Variants in TMEM132C observed in about 807,000 individuals in gnomAD.
The protein encoded by TMEM132C is protein phosphatase 1, regulatory subunit 152.
In TMEM132C, 29 loss-of-function variants were observed where a neutral mutation model predicts 61.4. That is an observed-to-expected ratio of 0.47 (90% CI 0.35 to 0.64). The LOEUF (loss-of-function observed/expected upper bound fraction) is 0.64, where lower values mean the gene tolerates loss of function less well. TMEM132C is among the 30% of genes least tolerant of loss of function. The pLI is 0.00. For synonymous variants in TMEM132C, 656 were observed against 633.1 expected (o/e 1.04, Z -0.54); for missense variants, 1,408 against 1,476.9 (o/e 0.95, Z 0.76).
At chr12:128,565,829 T>C (rs1874676441) in intron 3 of TMEM132C, among the ~76,000 whole-genome samples, 2 of 151,946 alleles carry the variant, frequency 1.3e-5, no homozygotes, top group Admixed American at 1.3e-4. Flanking sequence ...AGTTTGACTC[T>C]TAAGAACTGC....
intron 3 of TMEM132C, among the ~76,000 whole-genome samples, chr12:128,586,979 T>C (rs1279335368): frequency 6.6e-6 from 1 of 152,226 alleles, no homozygotes; most frequent in East Asian, 1.9e-4. Context: ...GTGACTGCTC[T>C]TCCGTTTTCA....
chr12:128,556,801 T>TAGAG (rs1874347384), intron 3 of TMEM132C, among the ~76,000 whole-genome samples: 1 of 152,066 alleles, frequency 6.6e-6, no homozygotes, highest in African/African-American at 2.4e-5. Context: ...GCCTTGTGAA[T>TAGAG]AGAGCATGGT....
At chr12:128,491,852 CT>C (rs113590302) in intron 2 of TMEM132C, among the ~76,000 whole-genome samples, 53,509 of 144,802 alleles carry the variant, frequency 0.37, 9,649 homozygotes, top group East Asian at 0.58. Context: ...TGTATCAGTT[CT>C]TTTTTTTTTT....
intron 2 of TMEM132C, among the ~76,000 whole-genome samples, chr12:128,445,807 C>G (rs1331055029): frequency 6.6e-6 from 1 of 152,162 alleles, no homozygotes; most frequent in Non-Finnish European, 1.5e-5. Context: ...AAAAGCCCCC[C>G]ACCCCTCACC....
chr12:128,699,073 A>T (rs1376968802), intron 8 of TMEM132C, among the ~76,000 whole-genome samples: 1 of 152,114 alleles, frequency 6.6e-6, no homozygotes, highest in Non-Finnish European at 1.5e-5. Context: ...CAGTTCAAGG[A>T]CTGCAAACTC....
intron 2 of TMEM132C, among the ~76,000 whole-genome samples, chr12:128,466,982 A>G: frequency 6.6e-6 from 1 of 152,240 alleles, no homozygotes; most frequent in South Asian, 2.1e-4. Context: ...TTGAGCCAGC[A>G]CTTGTGGAAG....
intron 2 of TMEM132C, among the ~76,000 whole-genome samples, chr12:128,538,216 G>A (rs985309961): frequency 1.3e-5 from 2 of 152,166 alleles, no homozygotes; most frequent in Admixed American, 6.5e-5. Context: ...TGCCTCCTGG[G>A]TTCAAGTGAT....
At chr12:128,477,129 A>G (rs1371737984) in intron 2 of TMEM132C, among the ~76,000 whole-genome samples, 1 of 152,116 alleles carries the variant, frequency 6.6e-6, no homozygotes, top group Non-Finnish European at 1.5e-5. Context: ...ATTTCTCTCT[A>G]TTGTGAAGGC....
At chr12:128,473,986 G>T (rs1871076533) in intron 2 of TMEM132C, among the ~76,000 whole-genome samples, 1 of 152,212 alleles carries the variant, frequency 6.6e-6, no homozygotes, top group Non-Finnish European at 1.5e-5. Flanking sequence ...TCTTGAAAAT[G>T]CCTGATGCTC....
chr12:128,321,168 T>TAATAAC (rs1555217333), intron 1 of TMEM132C, among the ~76,000 whole-genome samples: 71 of 149,146 alleles, frequency 4.8e-4, no homozygotes, highest in African/African-American at 1.5e-3. Context: ...ATAATAATAA[T>TAATAAC]AATAATAATA....
chr12:128,632,851 G>A (rs1341872838), intron 4 of TMEM132C, among the ~76,000 whole-genome samples: 1 of 152,218 alleles, frequency 6.6e-6, no homozygotes, highest in Non-Finnish European at 1.5e-5. Context: ...GCAGTCTTCA[G>A]AATGTGGTAT....
chr12:128,301,945 A>C (rs1211928704), intron 1 of TMEM132C, among the ~76,000 whole-genome samples: 11 of 152,322 alleles, frequency 7.2e-5, no homozygotes, highest in Admixed American at 2.6e-4. Context: ...AGAGGAAACC[A>C]CTTATAAAAC....
chr12:128,544,635 C>A (rs532945627), intron 3 of TMEM132C, among the ~76,000 whole-genome samples: 97 of 106,792 alleles, frequency 9.1e-4, no homozygotes, highest in Admixed American at 2.7e-3. Context: ...GAGGAAAGCA[C>A]AATTATAGCG....
At chr12:128,274,112 A>G (rs1357058007) in intron 1 of TMEM132C, among the ~76,000 whole-genome samples, 1 of 152,170 alleles carries the variant, frequency 6.6e-6, no homozygotes. Context: ...ACCCATCTGG[A>G]GTCTAAATCA....
chr12:128,694,126 G>A, intron 6 of TMEM132C, 92 bp downstream of exon 6: 3 of 1,368,494 alleles, frequency 2.2e-6, no homozygotes, highest in Non-Finnish European at 3.0e-6. Context: ...AAGAGATGCT[G>A]GTATTGTCTC....
chr12:128,375,710 T>C (rs1231224873), intron 1 of TMEM132C, among the ~76,000 whole-genome samples: 1 of 152,228 alleles, frequency 6.6e-6, no homozygotes, highest in East Asian at 1.9e-4. Flanking sequence ...ACACAGCTCT[T>C]TGAGGGACAT....
intron 1 of TMEM132C, among the ~76,000 whole-genome samples, chr12:128,306,103 T>C (rs1156489462): frequency 6.6e-6 from 1 of 152,192 alleles, no homozygotes; most frequent in Non-Finnish European, 1.5e-5. Flanking sequence ...GGTATGCAGA[T>C]TTTTCTTCCC....
chr12:128,635,469 T>C (rs993231234), intron 4 of TMEM132C, among the ~76,000 whole-genome samples: 2 of 146,952 alleles, frequency 1.4e-5, no homozygotes, highest in African/African-American at 5.4e-5. Flanking sequence ...TTTCTTTTTT[T>C]TTTTTTTTTG....
rs770606107 is a variant in TMEM132C at position 128,414,854 on chromosome 12, G to T, written c.208G>T (p.Asp70Tyr). 2.5e-5 allele frequency: 39 copies of T among 1,550,046 alleles called. No individual in the cohort carries two copies. The highest frequency in any genetic ancestry group is 3.4e-5 in the Non-Finnish European group (39 of 1,147,068). ...TSFFLKEANQ[D>Y]LLRNSSLQAR... ...CTTCTTCCTCAAGGAAGCCAACCAGGACCTGCTGCGGAACTCCAGCCTGCA... is the reference window on the plus strand; with the variant it reads ...CTTCTTCCTCAAGGAAGCCAACCAGTACCTGCTGCGGAACTCCAGCCTGCA... Residue 70 changes from aspartate (D) to tyrosine (Y), a missense_variant, in exon 2 of 9, where the codon GAC becomes TAC. By Grantham distance (160) the Asp-to-Tyr change is radical (BLOSUM62 -3). Transcript: ENST00000435159.
Sources: allele counts gnomAD v4.1 joint callset (sites outside exome capture counted in the v4.1 genomes callset), GRCh38; gene constraint gnomAD v4.1.1; transcripts MANE v1.5; gene names NCBI Gene and HGNC (gene_info 2026-07-23, HGNC 2026-07-21).